Variants in ENTPD6 observed in about 807,000 individuals in gnomAD.
The protein encoded by ENTPD6 is ectonucleoside triphosphate diphosphohydrolase 6.
In ENTPD6, 46 loss-of-function variants were observed where a neutral mutation model predicts 61.5. The ratio of observed to expected loss-of-function variants is 0.75; its 90% CI spans 0.59 to 0.96. The LOEUF is 0.96. Among genes scored for constraint, ENTPD6 ranks in the 40% least tolerant of loss-of-function variants. The pLI is 0.00. For synonymous variants in ENTPD6, 252 were observed against 255.5 expected, an observed-to-expected ratio of 0.99 and a Z score of 0.13; for missense variants, 612 against 629.0, an observed-to-expected ratio of 0.97 and a Z score of 0.29.
chr20:25,197,165 A>G (rs2090526396), intron 1 of ENTPD6: 5 of 985,426 alleles, frequency 5.1e-6, no homozygotes, highest in Non-Finnish European at 6.0e-6. Context: ...AAACCTGAAG[A>G]AACTGGCCAA....
At chr20:25,204,470 T>TTATATA (rs10534876) in intron 1 of ENTPD6, among the ~76,000 whole-genome samples, 1 of 150,062 alleles carries the variant, frequency 6.7e-6, no homozygotes. Context: ...TTACAAAGCT[T>TTATATA]TATATATATA....
chr20:25,225,180 G>T (rs370137223), intron 13 of ENTPD6, 25 bp from the exon 14 acceptor site: 3 of 1,600,658 alleles, frequency 1.9e-6, no homozygotes, highest in Non-Finnish European at 2.6e-6. Context: ...CACCTGGAGC[G>T]TGAAGGGACG....
intron 6 of ENTPD6, 152 bp from the exon 7 acceptor site, chr20:25,215,524 G>GCTC: frequency 1.4e-6 from 1 of 722,064 alleles, no homozygotes; most frequent in Non-Finnish European, 2.4e-6. Context: ...TATGAGAAAT[G>GCTC]CTCCTCTCTG....
rs879086713 is a variant in ENTPD6, at chr20:25,226,196, A to G, written c.*599A>G. 6.5e-6 allele frequency: 1 copy of G among 152,716 alleles called. No homozygotes were observed. Among genetic ancestry groups the G allele is most frequent in the Admixed American group, 6.5e-5 (1 of 15,282 alleles). The allele number at this position is 152,716 out of a possible 1,614,324, so 9.5% of individuals were successfully genotyped here. On this transcript the variant is annotated 3_prime_UTR_variant, in exon 15 of 15. Transcript: ENST00000376652. ...ACCCAGAGGCCTGCTCTCCTCACACATTGTGTGGTTTGGGGTTAATGATGG... is the reference window on the plus strand; with the variant it reads ...ACCCAGAGGCCTGCTCTCCTCACACGTTGTGTGGTTTGGGGTTAATGATGG...
Position 25,221,251 on chromosome 20 carries a change from G to A in ENTPD6, c.963G>A (p.Leu321=). 1 of 1,613,858 alleles carries A rather than the reference G, an allele frequency of 6.2e-7. No homozygotes were observed. Among genetic ancestry groups the A allele is most frequent in the Non-Finnish European group, 8.5e-7 (1 of 1,179,792 alleles). The change falls in exon 11 of 15, where the codon TTG becomes TTA. Residue 321 remains leucine (L), a synonymous_variant. Transcript: ENST00000376652. ...TTTCAGCTAAGGATGGAAAGGAGTT[G>A]GTCAGCCCTTGCTTGTCTCCCAGTT... ...EGQPAKDGKE[L]VSPCLSPSFK...
intron 12 of ENTPD6, 105 bp from the exon 13 acceptor site, chr20:25,223,996 G>A (rs781430834): frequency 6.6e-6 from 7 of 1,067,034 alleles, no homozygotes; most frequent in African/African-American, 1.6e-5. Context: ...AAGCCAGTCA[G>A]TGCCTTGGGG....
intron 9 of ENTPD6, 67 bp downstream of exon 9, chr20:25,217,648 T>TGCGA: frequency 7.3e-7 from 1 of 1,374,342 alleles, no homozygotes; most frequent in Non-Finnish European, 1.0e-6. Flanking sequence ...GGGCCTCGCA[T>TGCGA]GGCCCTCTTG....
intron 12 of ENTPD6, chr20:25,223,825 C>T (rs1193937610): frequency 3.2e-6 from 1 of 313,108 alleles, no homozygotes. Context: ...AAATTTTACT[C>T]AATTTGGGGT....
At chr20:25,212,428 A>G (rs1334456388) in intron 4 of ENTPD6, among the ~76,000 whole-genome samples, 1 of 152,228 alleles carries the variant, frequency 6.6e-6, no homozygotes. Flanking sequence ...AGGCTGCAGT[A>G]GAACAGCAGG....
chr20:25,222,227 C>T (rs6037061), intron 11 of ENTPD6: 8,850 of 153,180 alleles, frequency 0.058, 769 homozygotes, highest in African/African-American at 0.2. Context: ...GAAATGAGAT[C>T]GAAGGGTTGG....
Position 25,214,353 on chromosome 20 carries a change from C to A in ENTPD6, c.598-514C>A, listed in dbSNP as rs142844304. On this transcript the variant is annotated intron_variant, in intron 5 of 14. Transcript: ENST00000376652. ...CTGAAAGGTGGGCAAGGAAATACCC[C>A]CCGAGGCCAGGGCCCTGGTGAAGGT... is the stretch of plus-strand genomic sequence containing the variant. Among the ~76,000 whole-genome samples the A allele has an allele frequency of 5.3e-5, 8 of 152,188 alleles. No individual in the cohort carries two copies. The East Asian group carries it at 5.8e-4, about 11-fold the overall frequency.
chr20:25,199,933 GCTTC>G (rs2090895328), intron 1 of ENTPD6, among the ~76,000 whole-genome samples: 1 of 152,208 alleles, frequency 6.6e-6, no homozygotes, highest in Non-Finnish European at 1.5e-5. Flanking sequence ...TGTGAATAAT[GCTTC>G]AGTGAATGTG....
intron 9 of ENTPD6, 103 bp from the exon 10 acceptor site, chr20:25,218,447 C>T: frequency 2.8e-6 from 3 of 1,059,976 alleles, no homozygotes; most frequent in Non-Finnish European, 4.2e-6. Flanking sequence ...AACTGCCTTG[C>T]TGCAAGCTCC....
In ENTPD6 at chr20:25,215,728, T is replaced by G; in HGVS notation, c.709+17T>G. The G allele has an allele frequency of 6.2e-7, 1 of 1,614,008 alleles. No individual in the cohort carries two copies. Among genetic ancestry groups the G allele is most frequent in the Non-Finnish European group, 8.5e-7 (1 of 1,179,862 alleles). ...TCCTGACAGGTGTGTGCACACTGCA[T>G]CACAGAGGCTAGCCGATCACAGACA... On this transcript the variant is annotated intron_variant, in intron 7 of 14. Coordinates refer to ENST00000376652, the MANE Select transcript of ENTPD6 (RefSeq NM_001247.5).
chr20:25,206,258 A>G (rs935518546), intron 1 of ENTPD6, among the ~76,000 whole-genome samples: 10 of 152,318 alleles, frequency 6.6e-5, no homozygotes, highest in African/African-American at 2.4e-4. Flanking sequence ...ACTCACCAGG[A>G]CCGACTGAGA....
intron 4 of ENTPD6, 125 bp downstream of exon 4, chr20:25,210,050 T>G: frequency 1.1e-6 from 1 of 880,350 alleles, no homozygotes; most frequent in Non-Finnish European, 1.8e-6. Context: ...CCTGGGCATT[T>G]CATGCCATTT....
rs760819219 is a variant in ENTPD6, at chr20:25,215,727, A to G, written c.709+16A>G. 5 of 1,613,932 alleles carry G rather than the reference A, an allele frequency of 3.1e-6. No individual in the cohort carries two copies. The East Asian group carries it at 6.7e-5, about 22-fold the overall frequency. On this transcript the variant is annotated intron_variant, in intron 7 of 14. Transcript: ENST00000376652. ...TTCCTGACAGGTGTGTGCACACTGC[A>G]TCACAGAGGCTAGCCGATCACAGAC...
intron 4 of ENTPD6, among the ~76,000 whole-genome samples, chr20:25,212,085 A>C (rs1042610592): frequency 6.6e-6 from 1 of 152,260 alleles, no homozygotes; most frequent in South Asian, 2.1e-4. Flanking sequence ...GAATTACTGG[A>C]GTGGAATTTC....
intron 1 of ENTPD6, among the ~76,000 whole-genome samples, chr20:25,198,775 A>G (rs1297733617): frequency 1.3e-5 from 2 of 152,104 alleles, no homozygotes; most frequent in Admixed American, 1.3e-4. Flanking sequence ...CTTAATGTGC[A>G]TCATTCCCAG....
Sources: allele counts gnomAD v4.1 joint callset (sites outside exome capture counted in the v4.1 genomes callset), GRCh38; gene constraint gnomAD v4.1.1; transcripts MANE v1.5; gene names NCBI Gene and HGNC (gene_info 2026-07-23, HGNC 2026-07-21).